ARHGEF40: variants seen among roughly 807,000 people sequenced by gnomAD.
ARHGEF40 encodes Rho guanine nucleotide exchange factor 40.
ARHGEF40 carries 98 observed loss-of-function variants against 165.9 expected under a neutral mutation model. The ratio of observed to expected loss-of-function variants is 0.59; its 90% CI spans 0.50 to 0.70. The LOEUF (loss-of-function observed/expected upper bound fraction) is 0.70. Among genes scored for constraint, ARHGEF40 ranks in the 30% least tolerant of loss-of-function variants. The pLI is 0.00. For synonymous variants in ARHGEF40, 792 were observed against 814.3 expected, an observed-to-expected ratio of 0.97 and a Z score of 0.47; for missense variants, 1,815 against 1,968.0, an observed-to-expected ratio of 0.92 and a Z score of 1.47.
intron 1 of ARHGEF40, among the ~76,000 whole-genome samples, chr14:21,071,353 C>T (rs920163614): frequency 2.6e-5 from 4 of 152,026 alleles, no homozygotes. Flanking sequence ...GCCAAGGGGC[C>T]GCTCGCTGCA....
Position 21,070,380 on chromosome 14 carries a change from C to T in ARHGEF40, c.-17C>T, listed in dbSNP as rs1275304772. 2 of 1,405,640 alleles carry T rather than the reference C, an allele frequency of 1.4e-6. No homozygotes were observed. Among genetic ancestry groups the T allele is most frequent in the Non-Finnish European group, 1.8e-6 (2 of 1,088,602 alleles). 87.1% of individuals were successfully genotyped at this position (1,405,640 alleles called of 1,614,324 possible). A position where few individuals can be genotyped will look rare whatever the true frequency, so the allele number is the denominator to read the frequency against. On this transcript the variant is annotated 5_prime_UTR_variant, in exon 1 of 24. Transcript: ENST00000298694. The surrounding 1 kb of genome is among the most constrained non-coding windows in gnomAD (Gnocchi z 4.7). ...CGCCCGCCCGACCAAGCGTCGGACG[C>T]GGCCCGGCGCCGAGCCATGGTGAGT... is the stretch of plus-strand genomic sequence containing the variant.
upstream of ARHGEF40, among the ~76,000 whole-genome samples, chr14:21,067,980 C>CTTTTTTTTTTTT (rs1171332473): frequency 4.5e-5 from 1 of 22,284 alleles, no homozygotes; most frequent in Non-Finnish European, 1.2e-4. Context: ...AGTGGCTCCC[C>CTTTTTTTTTTTT]TTTTTTTTTT....
chr14:21,075,355 C>T lies in ARHGEF40; in HGVS notation c.1474C>T (p.Leu492=), dbSNP rs61739627. The T allele has an allele frequency of 3.6e-3, 5,862 of 1,614,118 alleles. 192 individuals carry two copies. In the African/African-American group the frequency reaches 0.069, roughly 19 times the overall value. Residue 492 remains leucine, a synonymous_variant, in exon 4 of 24, where the codon CTG becomes TTG. Transcript: ENST00000298694. The surrounding 1 kb of genome is among the most constrained non-coding windows in gnomAD (Gnocchi z 4.5). The part of the protein sequence containing the change: ...MAGHTGPEGP[L]SDTPTPPLET... ...AGGACACACAGGCCCAGAAGGCCCC[C>T]TGTCTGACACTCCAACACCTCCGCT...
upstream of ARHGEF40, among the ~76,000 whole-genome samples, chr14:21,067,761 T>TACACACACAC (rs3061993): frequency 1.8e-4 from 27 of 150,126 alleles, no homozygotes; most frequent in East Asian, 1.8e-3. Context: ...TGTACACACG[T>TACACACACAC]ACACACACAC....
intron 19 of ARHGEF40, chr14:21,086,073 C>T (rs1048392317): frequency 5.3e-5 from 35 of 655,268 alleles, no homozygotes; most frequent in African/African-American, 5.1e-4. Context: ...GGCAAATTTC[C>T]GGGAAGCAAG....
In ARHGEF40 at chr14:21,074,022, C is replaced by A; in HGVS notation, c.292C>A (p.Gln98Lys). Residue 98 changes from glutamine to lysine, a missense_variant, in exon 3 of 24, where the codon CAA (glutamine) becomes AAA (lysine). Physicochemically the swap from Gln to Lys is moderately conservative, Grantham distance 53. Transcript: ENST00000298694. This position sits in a 1 kb window ranked among gnomAD's most constrained non-coding sequence, Gnocchi z 4.8. Reference protein sequence around the residue: ...VVVQLAALPWQLLRPGDFYLQ... With the variant: ...VVVQLAALPWKLLRPGDFYLQ... ...GGTGCAGCTAGCAGCCCTACCCTGG[C>A]AACTGCTGCGCCCAGGAGACTTCTA... 2 of 1,614,012 alleles carry A rather than the reference C, an allele frequency of 1.2e-6. No homozygotes were observed. The highest frequency in any genetic ancestry group is 1.7e-6 in the Non-Finnish European group (2 of 1,180,024).
At chr14:21,070,250 C>T (rs1886586473), upstream of ARHGEF40, 1 of 862,430 alleles carries the variant, frequency 1.2e-6, no homozygotes, top group Non-Finnish European at 1.5e-6. This position sits in a 1 kb window ranked among gnomAD's most constrained non-coding sequence, Gnocchi z 4.7. Flanking sequence ...GGCCCCGCGG[C>T]CTGGAAGCCG....
the ARHGEF40 span, among the ~76,000 whole-genome samples, chr14:21,061,366 G>C: frequency 1.3e-5 from 2 of 152,168 alleles, no homozygotes; most frequent in South Asian, 2.1e-4. Flanking sequence ...CCAAACAAGT[G>C]GGGGTAGCAA....
upstream of ARHGEF40, among the ~76,000 whole-genome samples, chr14:21,065,809 A>G (rs1594527945): frequency 6.6e-6 from 1 of 152,352 alleles, no homozygotes; most frequent in Admixed American, 6.5e-5. Flanking sequence ...TAAAGAACTG[A>G]AAGAAGGGGC....
chr14:21,082,309 A>G lies in ARHGEF40; in HGVS notation c.3317A>G (p.Glu1106Gly), dbSNP rs1313292843. The part of the protein sequence containing the change: ...CEQDYVATLS[E>G]PVPPPGPELT... Reference sequence around the variant, plus strand: ...CAAGATTACGTGGCCACCTTGAGTGAGCCAGTGCCACCCCCTGGGCCTGAG... The same window carrying G: ...CAAGATTACGTGGCCACCTTGAGTGGGCCAGTGCCACCCCCTGGGCCTGAG... Residue 1106 changes from glutamate (E) to glycine (G), a missense_variant, in exon 15 of 24, where the codon GAG (glutamate) becomes GGG (glycine). Coordinates refer to ENST00000298694, the MANE Select transcript of ARHGEF40 (RefSeq NM_018071.5). 6.2e-7 allele frequency: 1 copy of G among 1,613,168 alleles called. No homozygotes were observed.
chr14:21,084,350 A>G (rs1250525226), intron 17 of ARHGEF40, among the ~76,000 whole-genome samples: 1 of 151,750 alleles, frequency 6.6e-6, no homozygotes, highest in Admixed American at 6.6e-5. Flanking sequence ...GCACCTCAAC[A>G]CCCAACACAT....
At position 21,075,869 on chromosome 14, in the gene ARHGEF40, C is replaced by G; in HGVS notation, c.1739+104C>G. 7.1e-7 allele frequency: 1 copy of G among 1,413,356 alleles called. No homozygotes were observed. Among genetic ancestry groups the G allele is most frequent in the Non-Finnish European group, 9.5e-7 (1 of 1,049,842 alleles). 87.6% of individuals were successfully genotyped at this position (1,413,356 alleles called of 1,614,324 possible). On this transcript the variant is annotated intron_variant, in intron 5 of 23. Coordinates refer to ENST00000298694, the MANE Select transcript of ARHGEF40 (RefSeq NM_018071.5). This position sits in a 1 kb window ranked among gnomAD's most constrained non-coding sequence, Gnocchi z 4.5. Reference sequence around the variant, plus strand: ...ACTGACCTTCTGACCTCTAAGGACACCTACTTCTTCAACCTTCAGACTTCA... The same window carrying G: ...ACTGACCTTCTGACCTCTAAGGACAGCTACTTCTTCAACCTTCAGACTTCA...
At chr14:21,068,547 G>A (rs1886412401), upstream of ARHGEF40, among the ~76,000 whole-genome samples, 1 of 152,066 alleles carries the variant, frequency 6.6e-6, no homozygotes, top group Non-Finnish European at 1.5e-5. Context: ...GTTTGAGACA[G>A]GTGAATAAGG....
At chr14:21,086,943 T>G in intron 19 of ARHGEF40, 58 bp from the exon 20 acceptor site, 1 of 1,304,742 alleles carries the variant, frequency 7.7e-7, no homozygotes. Flanking sequence ...AACCATGACA[T>G]GCTAGGGCTA....
intron 1 of ARHGEF40, among the ~76,000 whole-genome samples, chr14:21,071,110 G>A (rs1008730349): frequency 1.3e-5 from 2 of 152,152 alleles, no homozygotes; most frequent in Non-Finnish European, 2.9e-5. Context: ...GCTGCCTCAG[G>A]GCACTCCTGC....
At chr14:21,068,793 A>G (rs1886437721), upstream of ARHGEF40, among the ~76,000 whole-genome samples, 2 of 152,178 alleles carry the variant, frequency 1.3e-5, no homozygotes, top group African/African-American at 2.4e-5. Context: ...TTTTTGACGC[A>G]TGGAGCAGAG....
the ARHGEF40 span, among the ~76,000 whole-genome samples, chr14:21,061,304 G>GAGT: frequency 6.6e-6 from 1 of 152,232 alleles, no homozygotes; most frequent in Non-Finnish European, 1.5e-5. Flanking sequence ...AAGCTGGGAA[G>GAGT]AGTGTGAAAA....
Position 21,073,131 on chromosome 14 carries a change from C to T in ARHGEF40, c.90C>T (p.Gly30=). 2 of 1,614,150 alleles carry T rather than the reference C, an allele frequency of 1.2e-6. No homozygotes were observed. The highest frequency in any genetic ancestry group is 1.7e-6 in the Non-Finnish European group (2 of 1,180,020). Residue 30 remains glycine (G), a synonymous_variant, in exon 2 of 24, where the codon GGC becomes GGT. Coordinates refer to ENST00000298694, the MANE Select transcript of ARHGEF40 (RefSeq NM_018071.5). This position sits in a 1 kb window ranked among gnomAD's most constrained non-coding sequence, Gnocchi z 4.6. ...PFEATAPTLL[G]QVFQVVERTY... is the part of the protein sequence containing the mutation. The stretch of plus-strand genomic sequence containing the variant: ...AGGCAACAGCCCCCACCCTGTTGGG[C>T]CAGGTGTTCCAGGTGGTGGAGAGGA...
At chr14:21,065,927 T>A (rs1439793163), upstream of ARHGEF40, among the ~76,000 whole-genome samples, 1 of 152,126 alleles carries the variant, frequency 6.6e-6, no homozygotes, top group Non-Finnish European at 1.5e-5. Context: ...GGTGAAACCC[T>A]GTCTTTACTA....
Sources: allele counts gnomAD v4.1 joint callset (sites outside exome capture counted in the v4.1 genomes callset), GRCh38; gene constraint gnomAD v4.1.1; non-coding constraint Gnocchi (gnomAD v3.1); transcripts MANE v1.5; gene names NCBI Gene and HGNC (gene_info 2026-07-23, HGNC 2026-07-21).